Variants in LRRC7 observed in about 807,000 individuals in gnomAD.
LRRC7 encodes the protein leucine-rich repeat-containing protein 7.
Under a neutral mutation model 175.7 loss-of-function variants are expected in LRRC7, and 23 were observed. The observed-to-expected ratio is 0.13, with a 90% CI of 0.09 to 0.19. The LOEUF (loss-of-function observed/expected upper bound fraction) is 0.19. LRRC7 is among the 10% of genes least tolerant of loss of function. The probability of loss-of-function intolerance (pLI) is 1.00; values close to 1 mark genes in which losing one functional copy is unlikely to be tolerated. For synonymous variants in LRRC7, 685 were observed against 680.9 expected (o/e 1.01, Z -0.09); for missense variants, 1,354 against 1,904.7 (o/e 0.71, Z 5.38).
chr1:70,119,460 C>G (rs9970998), intron 26 of LRRC7, among the ~76,000 whole-genome samples: 21,246 of 151,852 alleles, frequency 0.14, 2,230 homozygotes, highest in African/African-American at 0.29. Flanking sequence ...CTCTTTCTTA[C>G]TACCCATCCC....
intron 7 of LRRC7, among the ~76,000 whole-genome samples, chr1:69,849,953 A>T (rs530605277): frequency 7.6e-4 from 115 of 152,246 alleles, no homozygotes; most frequent in Non-Finnish European, 2.4e-4. Flanking sequence ...GACAGATAAT[A>T]AAATATAAAC....
At chr1:69,617,151 C>T (rs1487467298) in intron 1 of LRRC7, among the ~76,000 whole-genome samples, 3 of 152,030 alleles carry the variant, frequency 2.0e-5, no homozygotes, top group Non-Finnish European at 4.4e-5. Context: ...TTGTTAATGC[C>T]TCTCTTTTTC....
At chr1:69,661,263 A>G (rs1437521053) in intron 1 of LRRC7, among the ~76,000 whole-genome samples, 1 of 152,268 alleles carries the variant, frequency 6.6e-6, no homozygotes, top group South Asian at 2.1e-4. Flanking sequence ...ATCGCAAATA[A>G]AAATTTAATT....
At chr1:69,807,283 T>C in intron 4 of LRRC7, among the ~76,000 whole-genome samples, 1 of 152,110 alleles carries the variant, frequency 6.6e-6, no homozygotes, top group East Asian at 1.9e-4. Context: ...TTGGAGCATT[T>C]AGCCCATTTT....
At chr1:69,788,584 T>C (rs1674761261) in intron 3 of LRRC7, among the ~76,000 whole-genome samples, 1 of 152,232 alleles carries the variant, frequency 6.6e-6, no homozygotes, top group Non-Finnish European at 1.5e-5. Flanking sequence ...TATCTGAAAC[T>C]AGCTTGAGCT....
intron 5 of LRRC7, among the ~76,000 whole-genome samples, chr1:69,833,144 G>T (rs1206821713): frequency 6.6e-6 from 1 of 151,904 alleles, no homozygotes; most frequent in Non-Finnish European, 1.5e-5. Flanking sequence ...TTCATTAGAA[G>T]GAAAATGTTA....
intron 8 of LRRC7, among the ~76,000 whole-genome samples, chr1:69,945,855 A>G (rs919259175): frequency 1.3e-5 from 2 of 152,072 alleles, no homozygotes; most frequent in African/African-American, 4.8e-5. Context: ...ACTTTACTGA[A>G]TTTGTTTATT....
chr1:69,941,114 T>A (rs1648664269), intron 8 of LRRC7, among the ~76,000 whole-genome samples: 1 of 151,946 alleles, frequency 6.6e-6, no homozygotes, highest in Non-Finnish European at 1.5e-5. Flanking sequence ...CAACACCTGA[T>A]ATGAGACCAA....
chr1:69,722,997 G>A (rs979463923), intron 2 of LRRC7, among the ~76,000 whole-genome samples: 1 of 151,780 alleles, frequency 6.6e-6, no homozygotes, highest in Non-Finnish European at 1.5e-5. Context: ...CCATTTTTAT[G>A]TTAGTTTTTA....
At chr1:69,994,398 A>C (rs1654734352) in intron 10 of LRRC7, among the ~76,000 whole-genome samples, 163 bp from the exon 11 acceptor site, 1 of 152,178 alleles carries the variant, frequency 6.6e-6, no homozygotes, top group Non-Finnish European at 1.5e-5. Flanking sequence ...GAAGGTCAAA[A>C]TTAGACTACA....
chr1:69,961,989 G>T (rs1288790348), intron 8 of LRRC7, among the ~76,000 whole-genome samples: 3 of 152,056 alleles, frequency 2.0e-5, no homozygotes, highest in Non-Finnish European at 4.4e-5. Context: ...ATTAACAAAT[G>T]GGATCTAATT....
At position 69,792,179 on chromosome 1, in the gene LRRC7, C is replaced by T. The variant is rs1229450695; in HGVS notation, c.421+19C>T. 1 of 1,319,708 alleles carries T rather than the reference C, an allele frequency of 7.6e-7. No homozygotes were observed. The highest frequency in any genetic ancestry group is 1.1e-6 in the Non-Finnish European group (1 of 926,676). The allele number at this position is 1,319,708 out of a possible 1,614,324, so 81.7% of individuals were successfully genotyped here. A position where few individuals can be genotyped will look rare whatever the true frequency, so the allele number is the denominator to read the frequency against. On this transcript the variant is annotated intron_variant, in intron 4 of 26. Coordinates refer to ENST00000651989, the MANE Select transcript of LRRC7 (RefSeq NM_001370785.2). Reference sequence around the variant, plus strand: ...AAAAATGGTAAGATTTTTCTCTCATCATAAAATACCTAGAATTTTTTAACT... The same window carrying T: ...AAAAATGGTAAGATTTTTCTCTCATTATAAAATACCTAGAATTTTTTAACT...
intron 10 of LRRC7, among the ~76,000 whole-genome samples, chr1:69,986,768 T>C (rs1012577801): frequency 1.3e-5 from 2 of 152,228 alleles, no homozygotes; most frequent in African/African-American, 4.8e-5. Flanking sequence ...TGCTATATTC[T>C]ATTTGTAATA....
intron 4 of LRRC7, among the ~76,000 whole-genome samples, chr1:69,820,372 T>A (rs528612844): frequency 9.2e-5 from 14 of 152,278 alleles, no homozygotes; most frequent in African/African-American, 3.4e-4. Flanking sequence ...AGTTTATTAC[T>A]ATTATCATTA....
intron 2 of LRRC7, among the ~76,000 whole-genome samples, chr1:69,712,343 C>T (rs1664857744): frequency 2.0e-5 from 3 of 152,158 alleles, no homozygotes; most frequent in Admixed American, 2.0e-4. Context: ...AGTGGCTACG[C>T]CTGTAATCCC....
chr1:70,094,879 G>A (rs1353252239), intron 25 of LRRC7, among the ~76,000 whole-genome samples: 1 of 151,944 alleles, frequency 6.6e-6, no homozygotes. Context: ...TTATAAAAAA[G>A]GTACATACCA....
At chr1:69,967,284 G>A (rs978986204) in intron 8 of LRRC7, among the ~76,000 whole-genome samples, 6 of 152,072 alleles carry the variant, frequency 3.9e-5, no homozygotes, top group Non-Finnish European at 7.3e-5. Context: ...CCCCACAGCA[G>A]CCACAGCAAG....
intron 7 of LRRC7, among the ~76,000 whole-genome samples, chr1:69,878,178 G>A (rs1289530863): frequency 6.6e-6 from 1 of 150,486 alleles, no homozygotes; most frequent in Non-Finnish European, 1.5e-5. Context: ...TGGACTTCCT[G>A]TTTGTCGTTA....
At chr1:69,680,756 T>C (rs1206428634) in intron 2 of LRRC7, among the ~76,000 whole-genome samples, 1 of 151,894 alleles carries the variant, frequency 6.6e-6, no homozygotes, top group African/African-American at 2.4e-5. Context: ...TGAAAGGATT[T>C]ATTCTCTAAT....
Sources: gnomAD v4.1 joint callset for allele counts (sites outside exome capture counted in the v4.1 genomes callset) on GRCh38, gnomAD v4.1.1 for gene constraint, MANE v1.5 for transcripts, NCBI Gene and HGNC (gene_info 2026-07-23, HGNC 2026-07-21) for gene names.